Variants in GRM8 observed in about 807,000 individuals in gnomAD.
GRM8 encodes glutamate metabotropic receptor 8.
Under a neutral mutation model 87.2 loss-of-function variants are expected in GRM8, and 47 were observed. That is an observed-to-expected ratio of 0.54 (90% CI 0.43 to 0.69). The LOEUF is 0.69. GRM8 is among the 30% of genes least tolerant of loss of function. GRM8 has a pLI of 0.00. For synonymous variants in GRM8, 396 were observed against 404.5 expected (o/e 0.98, Z 0.25); for missense variants, 1,019 against 1,139.2 (o/e 0.89, Z 1.52).
intron 2 of GRM8, among the ~76,000 whole-genome samples, chr7:127,181,992 C>T (rs1320207037): frequency 1.3e-5 from 2 of 151,612 alleles, no homozygotes; most frequent in Non-Finnish European, 3.0e-5. Context: ...AGATAAATAG[C>T]TAGGACCTAA....
intron 3 of GRM8, among the ~76,000 whole-genome samples, chr7:127,082,815 A>G (rs564778321): frequency 2.3e-4 from 35 of 152,344 alleles, no homozygotes; most frequent in African/African-American, 8.4e-4. Context: ...AGTCAAGAAC[A>G]TTGTTAACCT....
At chr7:126,933,757 G>A (rs1806000864) in intron 3 of GRM8, among the ~76,000 whole-genome samples, 3 of 152,308 alleles carry the variant, frequency 2.0e-5, no homozygotes, top group South Asian at 4.1e-4. Flanking sequence ...GCAGAAAAAT[G>A]TCTGTCATGT....
At chr7:126,482,776 A>T (rs1274592583) in intron 9 of GRM8, among the ~76,000 whole-genome samples, 1 of 152,020 alleles carries the variant, frequency 6.6e-6, no homozygotes. Context: ...TGTATACTTA[A>T]AAATGGTTGA....
At chr7:126,689,384 A>T (rs952835521) in intron 7 of GRM8, among the ~76,000 whole-genome samples, 8 of 152,242 alleles carry the variant, frequency 5.3e-5, no homozygotes, top group African/African-American at 1.9e-4. Flanking sequence ...ACAATAAGTT[A>T]TTGTGAAGGC....
chr7:126,885,447 C>G (rs1800398774), intron 6 of GRM8, among the ~76,000 whole-genome samples: 1 of 152,116 alleles, frequency 6.6e-6, no homozygotes, highest in African/African-American at 2.4e-5. Context: ...GACTAACCCC[C>G]ACAGTCTACT....
chr7:126,628,821 A>G (rs746387970), intron 7 of GRM8, among the ~76,000 whole-genome samples: 2 of 152,108 alleles, frequency 1.3e-5, no homozygotes, highest in Non-Finnish European at 2.9e-5. Context: ...TAAATAACTA[A>G]CTAAATAAAT....
intron 2 of GRM8, among the ~76,000 whole-genome samples, chr7:127,218,510 G>A (rs1057190607): frequency 6.6e-6 from 1 of 152,202 alleles, no homozygotes; most frequent in Non-Finnish European, 1.5e-5. Flanking sequence ...AATGTAAGGT[G>A]AGGATAATAA....
chr7:127,250,490 A>G (rs1798808489), intron 1 of GRM8, among the ~76,000 whole-genome samples: 1 of 152,166 alleles, frequency 6.6e-6, no homozygotes, highest in Non-Finnish European at 1.5e-5. Context: ...GCCTCCCGTC[A>G]TCTATTTCTC....
intron 3 of GRM8, among the ~76,000 whole-genome samples, chr7:127,024,151 G>T (rs1286243446): frequency 1.3e-5 from 2 of 152,068 alleles, no homozygotes; most frequent in African/African-American, 4.8e-5. Flanking sequence ...TTGATAGCTT[G>T]TCAAGTCTTG....
intron 1 of GRM8, among the ~76,000 whole-genome samples, chr7:127,245,021 G>A (rs1798511186): frequency 6.6e-6 from 1 of 152,110 alleles, no homozygotes; most frequent in East Asian, 1.9e-4. Flanking sequence ...CCACTTCACT[G>A]TTTAGTCCCT....
At chr7:126,541,067 A>G (rs1374150981) in intron 8 of GRM8, among the ~76,000 whole-genome samples, 2 of 152,218 alleles carry the variant, frequency 1.3e-5, no homozygotes, top group East Asian at 3.8e-4. Flanking sequence ...TGAGAATTCA[A>G]CAAGACCAAG....
intron 8 of GRM8, among the ~76,000 whole-genome samples, chr7:126,604,748 T>C: frequency 6.6e-6 from 1 of 152,276 alleles, no homozygotes; most frequent in Non-Finnish European, 1.5e-5. Flanking sequence ...CATAATAATA[T>C]CTATTATCCC....
chr7:126,801,713 A>C (rs1267876663), intron 6 of GRM8, among the ~76,000 whole-genome samples: 10 of 152,094 alleles, frequency 6.6e-5, no homozygotes, highest in Non-Finnish European at 1.3e-4. Context: ...GAGTCAGCAA[A>C]CAAAATATTC....
At chr7:126,605,464 G>C (rs1798257929) in intron 8 of GRM8, among the ~76,000 whole-genome samples, 1 of 152,108 alleles carries the variant, frequency 6.6e-6, no homozygotes, top group African/African-American at 2.4e-5. Flanking sequence ...TTGAGGAAAT[G>C]AAATACCTAA....
In GRM8 at chr7:127,152,075, A is replaced by G. The variant is rs192249522; in HGVS notation, c.511-45363T>C. Among the ~76,000 whole-genome samples the G allele has an allele frequency of 2.6e-5, 4 of 152,222 alleles. No homozygotes were observed. In the East Asian group the frequency reaches 7.7e-4, roughly 29 times the overall value. ...TCTGTCCTTCACTTCCTGCCACCTT[A>G]GGGAAAAGTGAACAAAGAGTAGAGA... On this transcript the variant is annotated intron_variant, in intron 2 of 10. Transcript: ENST00000339582.
chr7:126,604,326 C>T (rs141080924), intron 8 of GRM8, among the ~76,000 whole-genome samples: 2 of 152,130 alleles, frequency 1.3e-5, no homozygotes, highest in African/African-American at 4.8e-5. Context: ...ATTGTGTAGA[C>T]AGACAAGTTA....
At chr7:126,845,883 A>G (rs1236635195) in intron 6 of GRM8, among the ~76,000 whole-genome samples, 12 of 151,922 alleles carry the variant, frequency 7.9e-5, no homozygotes, top group African/African-American at 2.9e-4. Flanking sequence ...GTCAGGGTGA[A>G]TCCCTTAGAG....
chr7:126,953,346 C>T (rs912813200), intron 3 of GRM8, among the ~76,000 whole-genome samples: 11 of 152,062 alleles, frequency 7.2e-5, no homozygotes, highest in Non-Finnish European at 8.8e-5. Context: ...CAGCTATAAT[C>T]GATCTTAATT....
At chr7:126,871,359 T>C (rs1799079543) in intron 6 of GRM8, among the ~76,000 whole-genome samples, 1 of 152,244 alleles carries the variant, frequency 6.6e-6, no homozygotes, top group Non-Finnish European at 1.5e-5. Flanking sequence ...TTTTCTGAAA[T>C]ACTGAGTCTT....
Sources: gnomAD v4.1 joint callset for allele counts (sites outside exome capture counted in the v4.1 genomes callset) on GRCh38, gnomAD v4.1.1 for gene constraint, MANE v1.5 for transcripts, NCBI Gene and HGNC (gene_info 2026-07-23, HGNC 2026-07-21) for gene names.